CPN1: variants seen among roughly 807,000 people sequenced by gnomAD.
The protein encoded by CPN1 is carboxypeptidase N subunit 1.
CPN1 carries 37 observed loss-of-function variants against 46.4 expected under a neutral mutation model. The observed-to-expected ratio is 0.80, with a 90% CI of 0.61 to 1.05. CPN1 has a LOEUF of 1.05. Ranked by LOEUF, CPN1 falls within the 50% of genes least tolerant of loss-of-function variation. The pLI, the probability that CPN1 is intolerant of heterozygous loss-of-function variation, is 0.00. For missense variants in CPN1, 563 were observed against 602.6 expected (o/e 0.93, Z 0.69); for synonymous variants, 224 against 235.4 (o/e 0.95, Z 0.44).
intron 7 of CPN1, among the ~76,000 whole-genome samples, chr10:100,050,479 G>A (rs2133427499): frequency 6.6e-6 from 1 of 152,322 alleles, no homozygotes; most frequent in East Asian, 1.9e-4. Flanking sequence ...GCCTGGAAAG[G>A]CCACGCAGAT....
At position 100,063,604 on chromosome 10, in the gene CPN1, C is replaced by A. The variant is rs373347834; in HGVS notation, c.871+10G>T. On this transcript the variant is annotated intron_variant, in intron 5 of 8. Transcript: ENST00000370418. The stretch of plus-strand genomic sequence containing the variant: ...ACTTCAGCTTGAGCAGTTCCCAGGA[C>A]TCCCCTTACCCTTGCTGAGAGAATA... The A allele has an allele frequency of 3.6e-5, 57 of 1,591,840 alleles. No individual in the cohort carries two copies. The highest frequency in any genetic ancestry group is 4.7e-5 in the Non-Finnish European group (54 of 1,159,918).
chr10:100,079,455 T>G (rs955757861), intron 1 of CPN1, among the ~76,000 whole-genome samples: 1 of 152,240 alleles, frequency 6.6e-6, no homozygotes, highest in Non-Finnish European at 1.5e-5. Flanking sequence ...AAAGAAGGCC[T>G]TGAAAGCTAG....
chr10:100,057,666 T>C (rs1198011302), intron 5 of CPN1, among the ~76,000 whole-genome samples: 1 of 152,150 alleles, frequency 6.6e-6, no homozygotes, highest in African/African-American at 2.4e-5. Flanking sequence ...AAATTTTCGT[T>C]CATTTTGGTT....
At chr10:100,076,830 C>T (rs1177013492) in intron 1 of CPN1, among the ~76,000 whole-genome samples, 1 of 152,116 alleles carries the variant, frequency 6.6e-6, no homozygotes, top group East Asian at 1.9e-4. Flanking sequence ...CACTGAAGTA[C>T]AGGAAAACTA....
Position 100,066,509 on chromosome 10 carries a change from T to C in CPN1, c.577-1139A>G, listed in dbSNP as rs527581916. On this transcript the variant is annotated intron_variant, in intron 3 of 8. Coordinates refer to ENST00000370418, the MANE Select transcript of CPN1 (RefSeq NM_001308.3). ...CTCCTGTGGTCAAATCCAAATTTCA[T>C]GGGTTAGACATACTGTCAGATGGGC... 1.3e-3 allele frequency among the ~76,000 whole-genome samples: 198 copies of C among 152,326 alleles called. 2 individuals carry two copies. Among genetic ancestry groups the C allele is most frequent in the South Asian group, 5.0e-3 (24 of 4,832 alleles).
chr10:100,065,399 A>AG, intron 3 of CPN1, 29 bp from the exon 4 acceptor site: 1 of 1,613,456 alleles, frequency 6.2e-7, no homozygotes, highest in African/African-American at 1.3e-5. Context: ...TTGGCGGTGA[A>AG]GGGCCAACTG....
At chr10:100,077,059 C>A (rs1395349231) in intron 1 of CPN1, among the ~76,000 whole-genome samples, 1 of 152,018 alleles carries the variant, frequency 6.6e-6, no homozygotes, top group African/African-American at 2.4e-5. Flanking sequence ...TTTTCTTACA[C>A]CCAATACTTT....
In CPN1 at chr10:100,075,840, A is replaced by G. The variant is rs1466813142; in HGVS notation, c.420+71T>C. 8 of 1,436,212 alleles carry G rather than the reference A, an allele frequency of 5.6e-6. No individual in the cohort carries two copies. The East Asian group carries it at 1.6e-4, about 29-fold the overall frequency. 89.0% of individuals were successfully genotyped at this position (1,436,212 alleles called of 1,614,324 possible). On this transcript the variant is annotated intron_variant, in intron 2 of 8. Coordinates refer to ENST00000370418, the MANE Select transcript of CPN1 (RefSeq NM_001308.3). ...ATATTTACAGTGGGACAGAGAGGGA[A>G]TCTTGTCCACTGGACTTTATTTCCT...
intron 8 of CPN1, among the ~76,000 whole-genome samples, chr10:100,046,308 C>T (rs999798723): frequency 6.6e-6 from 1 of 152,184 alleles, no homozygotes; most frequent in Non-Finnish European, 1.5e-5. Flanking sequence ...AGATTTAGGC[C>T]GATCACAGTC....
chr10:100,047,724 G>A (rs919214592), intron 8 of CPN1, among the ~76,000 whole-genome samples: 2 of 152,140 alleles, frequency 1.3e-5, no homozygotes, highest in African/African-American at 4.8e-5. Flanking sequence ...GGTGGCTCAT[G>A]CCTGTAATCC....
At chr10:100,060,415 A>C (rs2041409937) in intron 5 of CPN1, among the ~76,000 whole-genome samples, 1 of 152,126 alleles carries the variant, frequency 6.6e-6, no homozygotes, top group South Asian at 2.1e-4. Context: ...TACAAAAATT[A>C]GCCAGGTGTG....
chr10:100,069,641 T>A, intron 3 of CPN1, 73 bp downstream of exon 3: 1 of 1,570,218 alleles, frequency 6.4e-7, no homozygotes, highest in Admixed American at 1.7e-5. Context: ...GATGTAAAGA[T>A]GGCTTAGCAG....
chr10:100,067,941 C>T (rs2041463497), intron 3 of CPN1, among the ~76,000 whole-genome samples: 1 of 151,870 alleles, frequency 6.6e-6, no homozygotes, highest in African/African-American at 2.4e-5. Context: ...ATCACAAGGC[C>T]AGGAGTTCGA....
intron 6 of CPN1, 107 bp downstream of exon 6, chr10:100,056,906 G>T: frequency 7.3e-7 from 1 of 1,368,188 alleles, no homozygotes; most frequent in South Asian, 1.2e-5. Context: ...CAGATCTATT[G>T]GACTGAGTCA....
At chr10:100,053,852 A>G (rs77358866) in intron 7 of CPN1, among the ~76,000 whole-genome samples, 4,308 of 152,270 alleles carry the variant, frequency 0.028, 105 homozygotes, top group African/African-American at 0.065. Context: ...CGCCTCCACC[A>G]TCAATCTTGC....
At chr10:100,066,869 G>C (rs1395506698) in intron 3 of CPN1, among the ~76,000 whole-genome samples, 1 of 152,196 alleles carries the variant, frequency 6.6e-6, no homozygotes, top group East Asian at 1.9e-4. Flanking sequence ...ACCCTCTGGG[G>C]CAGTTCTGTC....
At chr10:100,067,446 T>C (rs1324394552) in intron 3 of CPN1, among the ~76,000 whole-genome samples, 1 of 152,186 alleles carries the variant, frequency 6.6e-6, no homozygotes, top group African/African-American at 2.4e-5. Flanking sequence ...TACTATTTAC[T>C]TGAACCAAGA....
intron 8 of CPN1, among the ~76,000 whole-genome samples, chr10:100,046,338 G>A (rs1463433897): frequency 2.6e-5 from 4 of 152,230 alleles, no homozygotes; most frequent in Non-Finnish European, 5.9e-5. Context: ...GGAGCACAGT[G>A]GCTCACGCCT....
intron 8 of CPN1, among the ~76,000 whole-genome samples, chr10:100,045,934 CT>C (rs556545014): frequency 6.2e-4 from 94 of 152,250 alleles, no homozygotes; most frequent in African/African-American, 2.2e-3. Flanking sequence ...GAAATGAGAT[CT>C]GTAGATGTCT....
Sources: gnomAD v4.1 joint callset for allele counts (sites outside exome capture counted in the v4.1 genomes callset) on GRCh38, gnomAD v4.1.1 for gene constraint, MANE v1.5 for transcripts, NCBI Gene and HGNC (gene_info 2026-07-23, HGNC 2026-07-21) for gene names.